Variants in MAP7D2 observed in about 807,000 individuals in gnomAD.
The protein encoded by MAP7D2 is MAP7 domain containing 2, also known as MAP7 domain-containing protein 2.
In MAP7D2, 33 loss-of-function variants were observed where a neutral mutation model predicts 63.5. The observed-to-expected ratio is 0.52, with a 90% CI of 0.39 to 0.70. The LOEUF is 0.70. Ranked by LOEUF, MAP7D2 falls within the 30% of genes least tolerant of loss-of-function variation. The pLI, the probability that MAP7D2 is intolerant of heterozygous loss-of-function variation, is 0.00. For synonymous variants in MAP7D2, 224 were observed against 223.7 expected (o/e 1.00, Z -0.01); for missense variants, 626 against 604.0 (o/e 1.04, Z -0.38).
rs1002240387 is a variant in MAP7D2, at chrX:20,008,143, T to C, written c.*282A>G. The C allele has an allele frequency of 8.9e-6, 1 of 112,114 alleles. No homozygotes were observed. Among genetic ancestry groups the C allele is most frequent in the Non-Finnish European group, 1.9e-5 (1 of 53,253 alleles). The allele number at this position is 112,114 out of a possible 1,213,427, so 9.2% of individuals were successfully genotyped here. ...GTTATTCAGAGGGTCACTATGATAA[T>C]AGAGAAGTTCAGGAAGTGCTTTATC... is the stretch of plus-strand genomic sequence containing the variant. On this transcript the variant is annotated 3_prime_UTR_variant, in exon 17 of 17. Coordinates refer to ENST00000379643, the MANE Select transcript of MAP7D2 (RefSeq NM_001168465.2).
chrX:20,069,479 G>A (rs919563000), intron 1 of MAP7D2, among the ~76,000 whole-genome samples: 2 of 111,245 alleles, frequency 1.8e-5, no homozygotes, highest in African/African-American at 6.6e-5. Flanking sequence ...AAAGTGCTGA[G>A]ATTACAGGCA....
chrX:20,098,199 C>T (rs1480521217), intron 1 of MAP7D2, among the ~76,000 whole-genome samples: 1 of 111,664 alleles, frequency 9.0e-6, no homozygotes, highest in African/African-American at 3.3e-5. Context: ...CTTCACAATC[C>T]TCCTGTCAAC....
At chrX:20,025,301 CATG>C (rs2073800048) in intron 9 of MAP7D2, among the ~76,000 whole-genome samples, 2 of 112,182 alleles carry the variant, frequency 1.8e-5, no homozygotes, top group Non-Finnish European at 3.8e-5. Flanking sequence ...ACAATAGAAA[CATG>C]AGGAGGAAAG....
At chrX:20,057,424 G>T (rs1252427606) in intron 3 of MAP7D2, among the ~76,000 whole-genome samples, 1 of 111,136 alleles carries the variant, frequency 9.0e-6, no homozygotes. Flanking sequence ...CGTTCCCAGA[G>T]TTACTTAGGT....
intron 1 of MAP7D2, among the ~76,000 whole-genome samples, chrX:20,105,672 A>C (rs1434358272): frequency 2.7e-5 from 3 of 111,159 alleles, no homozygotes; most frequent in Non-Finnish European, 5.7e-5. Context: ...CCAGCTGGGG[A>C]AGATGACCAG....
At chrX:20,019,113 A>G (rs1442901318) in intron 10 of MAP7D2, among the ~76,000 whole-genome samples, 1 of 101,297 alleles carries the variant, frequency 9.9e-6, no homozygotes, top group Non-Finnish European at 2.0e-5. Context: ...TGCAGCCCCA[A>G]CCTCTCAGGC....
intron 1 of MAP7D2, among the ~76,000 whole-genome samples, chrX:20,067,134 C>T (rs2065381206): frequency 8.9e-6 from 1 of 112,509 alleles, no homozygotes; most frequent in Non-Finnish European, 1.9e-5. Context: ...CAAACTCACC[C>T]ACCCAGGCAG....
rs2065078823 is a variant in MAP7D2, at chrX:20,056,762, G to A, written c.402C>T (p.Ser134=). 1 of 1,209,739 alleles carries A rather than the reference G, an allele frequency of 8.3e-7. No homozygotes were observed. Among genetic ancestry groups the A allele is most frequent in the East Asian group, 3.0e-5 (1 of 33,764 alleles). The change falls in exon 4 of 17, where the codon TCC becomes TCT. Residue 134 remains serine (S), a synonymous_variant. Coordinates refer to ENST00000379643, the MANE Select transcript of MAP7D2 (RefSeq NM_001168465.2). ...EERLEAMMRR[S]LERTQQLELK... ...GCTCCAGCTGCTGTGTGCGCTCCAGGGACCGGCGCATCATCGCCTCCAGCC... is the reference window on the plus strand; with the variant it reads ...GCTCCAGCTGCTGTGTGCGCTCCAGAGACCGGCGCATCATCGCCTCCAGCC...
rs764490600 is a variant in MAP7D2, at chrX:20,056,799, G to A, written c.373-8C>T. 2 of 1,198,881 alleles carry A rather than the reference G, an allele frequency of 1.7e-6. No homozygotes were observed. Among genetic ancestry groups the A allele is most frequent in the Admixed American group, 2.2e-5 (1 of 46,007 alleles). Reference sequence around the variant, plus strand: ...CATCGCCTCCAGCCGTTCCTACACAGTTCGTGTAAGGCAAGTGTTAACAAG... The same window carrying A: ...CATCGCCTCCAGCCGTTCCTACACAATTCGTGTAAGGCAAGTGTTAACAAG... On this transcript the variant is annotated splice_region_variant and splice_polypyrimidine_tract_variant and intron_variant, in intron 3 of 16. Coordinates refer to ENST00000379643, the MANE Select transcript of MAP7D2 (RefSeq NM_001168465.2).
chrX:20,041,726 T>C (rs2064660268), intron 8 of MAP7D2, among the ~76,000 whole-genome samples: 1 of 112,525 alleles, frequency 8.9e-6, no homozygotes, highest in Non-Finnish European at 1.9e-5. Context: ...GTTTCCACTG[T>C]CCTACTGGAC....
chrX:20,055,076 CT>C (rs34507328), intron 4 of MAP7D2, among the ~76,000 whole-genome samples: 29,375 of 103,024 alleles, frequency 0.29, 4,290 homozygotes, highest in African/African-American at 0.55. Context: ...CCTTTTACAG[CT>C]TTTTTTTTTT....
chrX:20,063,599 G>C (rs1397983084), intron 2 of MAP7D2, 22 bp from the exon 3 acceptor site: 1 of 1,205,296 alleles, frequency 8.3e-7, no homozygotes, highest in Non-Finnish European at 1.1e-6. Context: ...AAGTAGAAGA[G>C]AGGTGTCATT....
chrX:20,063,976 G>T (rs903281616), intron 2 of MAP7D2, among the ~76,000 whole-genome samples: 12 of 112,557 alleles, frequency 1.1e-4, no homozygotes, highest in Non-Finnish European at 2.1e-4. Flanking sequence ...ATGCTTATAA[G>T]GCTATGTTCA....
intron 3 of MAP7D2, 146 bp downstream of exon 3, chrX:20,063,268 T>C: frequency 5.7e-6 from 3 of 530,720 alleles, no homozygotes; most frequent in Admixed American, 4.0e-5. Context: ...TTTCATGTCA[T>C]GTTGCTGAAA....
intron 1 of MAP7D2, among the ~76,000 whole-genome samples, chrX:20,067,579 C>A (rs921930809): frequency 2.7e-5 from 3 of 111,726 alleles, no homozygotes; most frequent in Non-Finnish European, 3.8e-5. Flanking sequence ...GGTGTAGAAA[C>A]AGAGGCACTT....
chrX:20,041,958 G>C (rs2064668311), intron 8 of MAP7D2, among the ~76,000 whole-genome samples: 1 of 111,321 alleles, frequency 9.0e-6, no homozygotes, highest in African/African-American at 3.3e-5. Flanking sequence ...TTGAGCCCAG[G>C]AGTTGGAGGC....
chrX:20,080,760 G>A (rs1304662441), intron 1 of MAP7D2, among the ~76,000 whole-genome samples: 3 of 111,534 alleles, frequency 2.7e-5, no homozygotes, highest in Non-Finnish European at 3.8e-5. Flanking sequence ...TGGATCACTA[G>A]GAGCATTAAT....
chrX:20,076,209 A>G (rs1312053855), intron 1 of MAP7D2, among the ~76,000 whole-genome samples: 1 of 110,781 alleles, frequency 9.0e-6, no homozygotes, highest in Non-Finnish European at 1.9e-5. Flanking sequence ...ACCTGCTATA[A>G]TTTTCTGAAC....
chrX:20,029,794 T>C (rs919500110), intron 8 of MAP7D2, among the ~76,000 whole-genome samples: 3 of 110,191 alleles, frequency 2.7e-5, no homozygotes, highest in Admixed American at 1.9e-4. Flanking sequence ...CATAGATTTT[T>C]TTTTTTTTTA....
Sources: allele counts gnomAD v4.1 joint callset (sites outside exome capture counted in the v4.1 genomes callset), GRCh38; gene constraint gnomAD v4.1.1; transcripts MANE v1.5; gene names NCBI Gene and HGNC (gene_info 2026-07-23, HGNC 2026-07-21).